RIMBP2: variants seen among roughly 807,000 people sequenced by gnomAD.
RIMBP2 encodes the protein RIMS-binding protein 2.
Under a neutral mutation model 118.6 loss-of-function variants are expected in RIMBP2, and 48 were observed. That is an observed-to-expected ratio of 0.40 (90% confidence interval 0.32 to 0.51). The LOEUF (loss-of-function observed/expected upper bound fraction) is 0.51. Among genes scored for constraint, RIMBP2 ranks in the 20% least tolerant of loss-of-function variants. The pLI is 0.41. For missense variants in RIMBP2, 1,551 were observed against 1,768.3 expected (o/e 0.88, Z 2.20); for synonymous variants, 762 against 742.9 (o/e 1.03, Z -0.42).
At chr12:130,569,647 C>G (rs770458208) in intron 2 of RIMBP2, among the ~76,000 whole-genome samples, 2 of 152,180 alleles carry the variant, frequency 1.3e-5, no homozygotes, top group African/African-American at 2.4e-5. Context: ...TGGGTTCTCA[C>G]GAGATCTGGC....
intron 5 of RIMBP2, among the ~76,000 whole-genome samples, chr12:130,471,384 C>A (rs1223307479): frequency 2.0e-5 from 3 of 152,202 alleles, no homozygotes; most frequent in African/African-American, 7.2e-5. Flanking sequence ...CAGCATCAAA[C>A]ACCGTTATTT....
chr12:130,516,240 T>C (rs1321724677), intron 3 of RIMBP2, among the ~76,000 whole-genome samples: 1 of 152,230 alleles, frequency 6.6e-6, no homozygotes, highest in Non-Finnish European at 1.5e-5. Flanking sequence ...AAGACAACTC[T>C]AATTTTTATA....
chr12:130,525,824 G>C lies in RIMBP2; in HGVS notation c.-216-7907C>G, dbSNP rs1358704767. ...CCTCTTCTTTGTGAAATCTCATCCAGTCCTCTCAGCACTGCCATGTGGCAG... is the reference window on the plus strand; with the variant it reads ...CCTCTTCTTTGTGAAATCTCATCCACTCCTCTCAGCACTGCCATGTGGCAG... On this transcript the variant is annotated intron_variant, in intron 2 of 22. Coordinates refer to ENST00000690449, the MANE Select transcript of RIMBP2 (RefSeq NM_001393629.1). This position sits in a 1 kb window ranked among gnomAD's most constrained non-coding sequence, Gnocchi z 4.4. Among the ~76,000 whole-genome samples the C allele has an allele frequency of 6.6e-6, 1 of 152,156 alleles. No homozygotes were observed. Among genetic ancestry groups the C allele is most frequent in the Non-Finnish European group, 1.5e-5 (1 of 68,042 alleles).
chr12:130,476,613 A>G (rs999457066), intron 5 of RIMBP2, among the ~76,000 whole-genome samples: 1 of 152,156 alleles, frequency 6.6e-6, no homozygotes, highest in Non-Finnish European at 1.5e-5. Flanking sequence ...GCTGCTCCCT[A>G]ACCCTTGCAC....
intron 1 of RIMBP2, among the ~76,000 whole-genome samples, chr12:130,649,532 G>A (rs1004729526): frequency 2.0e-5 from 3 of 152,200 alleles, no homozygotes; most frequent in Non-Finnish European, 2.9e-5. Context: ...GCTGAGAAGT[G>A]GCTTCCCACA....
chr12:130,478,834 G>A (rs2081675613), intron 5 of RIMBP2, 78 bp downstream of exon 5: 9 of 1,051,522 alleles, frequency 8.6e-6, no homozygotes, highest in South Asian at 1.4e-5. Flanking sequence ...CAGGTCGGCC[G>A]CTCCACCACA....
At position 130,535,744 on chromosome 12, in the gene RIMBP2, T is replaced by TACAC. The variant is rs1449983309; in HGVS notation, c.-216-17828_-216-17827insGTGT. ...ATATATATACATATATATACATATA[T>TACAC]ATATATATATATATATATATATATA... On this transcript the variant is annotated intron_variant, in intron 2 of 22. Transcript: ENST00000690449. 3.2e-3 allele frequency among the ~76,000 whole-genome samples: 164 copies of TACAC among 52,058 alleles called. 2 individuals carry two copies. The highest frequency in any genetic ancestry group is 6.8e-3 in the African/African-American group (149 of 21,930). 34.2% of individuals were successfully genotyped at this position (52,058 alleles called of 152,430 possible).
At chr12:130,520,327 G>T (rs1225934433) in intron 2 of RIMBP2, among the ~76,000 whole-genome samples, 1 of 152,048 alleles carries the variant, frequency 6.6e-6, no homozygotes, top group Non-Finnish European at 1.5e-5. Context: ...TCTTTCCAAT[G>T]TAGCTTCCCA....
chr12:130,650,958 T>TTAA (rs1555318449), intron 1 of RIMBP2, among the ~76,000 whole-genome samples: 1,888 of 125,560 alleles, frequency 0.015, 48 homozygotes, highest in African/African-American at 0.053. Flanking sequence ...TTGTTTTTTT[T>TTAA]AAAAAAAAAA....
intron 2 of RIMBP2, among the ~76,000 whole-genome samples, chr12:130,605,818 C>G (rs2060148201): frequency 6.6e-6 from 1 of 152,150 alleles, no homozygotes; most frequent in East Asian, 1.9e-4. Context: ...AATCCCAGCA[C>G]TTTGGGAGGC....
chr12:130,536,378 A>G (rs1023355190), intron 2 of RIMBP2, among the ~76,000 whole-genome samples: 2 of 152,186 alleles, frequency 1.3e-5, no homozygotes, highest in African/African-American at 4.8e-5. Flanking sequence ...TTTATTCCAA[A>G]ATAATCCAGC....
intron 14 of RIMBP2, chr12:130,430,463 C>T (rs1360947958): frequency 6.6e-6 from 1 of 152,118 alleles, no homozygotes; most frequent in African/African-American, 2.4e-5. Flanking sequence ...GGCAAACCAC[C>T]TTTTCTCTCG....
intron 2 of RIMBP2, among the ~76,000 whole-genome samples, chr12:130,586,319 G>T (rs2058879099): frequency 6.6e-6 from 1 of 152,178 alleles, no homozygotes; most frequent in South Asian, 2.1e-4. Flanking sequence ...AGGCATGGTG[G>T]CAGGCACCTG....
intron 14 of RIMBP2, chr12:130,429,695 A>G (rs2077034831): frequency 6.6e-6 from 1 of 152,152 alleles, no homozygotes; most frequent in Admixed American, 6.5e-5. Context: ...ATGTGTATGC[A>G]TTGGCGTCAC....
chr12:130,559,534 T>C (rs2056644229), intron 2 of RIMBP2, among the ~76,000 whole-genome samples: 1 of 152,238 alleles, frequency 6.6e-6, no homozygotes, highest in Non-Finnish European at 1.5e-5. Flanking sequence ...GCTGTGTATA[T>C]ACACCACATT....
rs1254204841 is a variant in RIMBP2 at position 130,419,706 on chromosome 12, A to G, written c.3238+2747T>C. On this transcript the variant is annotated intron_variant, in intron 17 of 22. Transcript: ENST00000690449. The surrounding 1 kb of genome is among the most constrained non-coding windows in gnomAD (Gnocchi z 4.3). ...TAGCCAAAATAACAAAAAATGGGAG[A>G]ATACAGAGGAGATATTCAGAGTTGA... The G allele has an allele frequency of 6.6e-6, 1 of 152,334 alleles. No homozygotes were observed. Among genetic ancestry groups the G allele is most frequent in the East Asian group, 1.9e-4 (1 of 5,188 alleles). 9.4% of individuals were successfully genotyped at this position (152,334 alleles called of 1,614,324 possible).
rs544328205 is a variant in RIMBP2, at chr12:130,424,460, G to A, written c.2811C>T (p.Thr937=). 9.8e-5 allele frequency: 121 copies of A among 1,232,126 alleles called. No homozygotes were observed. The highest frequency in any genetic ancestry group is 4.1e-4 in the East Asian group (13 of 31,700). The allele number at this position is 1,232,126 out of a possible 1,614,324, so 76.3% of individuals were successfully genotyped here. ...CAGGGCCTGGGCTGCACGCGGCCAC[G>A]GTGTTTCCGAAGCCAAACCGCGACT... ...EDESRFGFGN[T]VAACSPGPGH... is the part of the protein sequence containing the mutation. The change falls in exon 16 of 23, where the codon ACC becomes ACT. Residue 937 remains threonine, a synonymous_variant. Coordinates refer to ENST00000690449, the MANE Select transcript of RIMBP2 (RefSeq NM_001393629.1). This position sits in a 1 kb window ranked among gnomAD's most constrained non-coding sequence, Gnocchi z 9.8.
intron 1 of RIMBP2, among the ~76,000 whole-genome samples, chr12:130,686,312 C>T (rs1374356322): frequency 2.0e-5 from 3 of 152,228 alleles, no homozygotes; most frequent in Admixed American, 2.0e-4. Context: ...CTCTACCACG[C>T]TTCACTCCCC....
At chr12:130,655,988 G>C (rs1029029791) in intron 1 of RIMBP2, among the ~76,000 whole-genome samples, 2 of 152,214 alleles carry the variant, frequency 1.3e-5, no homozygotes, top group Non-Finnish European at 2.9e-5. Context: ...GCCCTTCTGG[G>C]GAATGGAGGA....
Sources: allele counts gnomAD v4.1 joint callset (sites outside exome capture counted in the v4.1 genomes callset), GRCh38; gene constraint gnomAD v4.1.1; non-coding constraint Gnocchi (gnomAD v3.1); transcripts MANE v1.5; gene names NCBI Gene and HGNC (gene_info 2026-07-23, HGNC 2026-07-21).